EDN3: variants seen among roughly 807,000 people sequenced by gnomAD.
EDN3 encodes endothelin-3.
In EDN3, 9 loss-of-function variants were observed where a neutral mutation model predicts 21.4. The observed-to-expected ratio is 0.42, with a 90% CI of 0.25 to 0.73. The LOEUF is 0.73. EDN3 is among the 30% of genes least tolerant of loss of function. The pLI, the probability that EDN3 is intolerant of heterozygous loss-of-function variation, is 0.26. For missense variants in EDN3, 327 were observed against 309.4 expected, an observed-to-expected ratio of 1.06 and a Z score of -0.43; for synonymous variants, 133 against 126.2, an observed-to-expected ratio of 1.05 and a Z score of -0.36.
intron 2 of EDN3, among the ~76,000 whole-genome samples, chr20:59,309,833 G>A (rs1410579716): frequency 3.3e-5 from 5 of 152,216 alleles, no homozygotes; most frequent in Admixed American, 2.6e-4. Context: ...CTGCCCCAGA[G>A]TCAGCAGGAA....
intron 2 of EDN3, among the ~76,000 whole-genome samples, chr20:59,308,220 G>A (rs797021025): frequency 2.6e-5 from 4 of 152,292 alleles, no homozygotes; most frequent in South Asian, 2.1e-4. Context: ...GAGTCTAGGC[G>A]AGAGGGCGAG....
chr20:59,324,527 C>T lies in EDN3; in HGVS notation c.*68C>T. ...ATTGCTCACACACAGTTCAGATTTCCACCTCTTTATAGACAAGAAGTGAAT... is the reference window on the plus strand; with the variant it reads ...ATTGCTCACACACAGTTCAGATTTCTACCTCTTTATAGACAAGAAGTGAAT... On this transcript the variant is annotated 3_prime_UTR_variant, in exon 5 of 5. Coordinates refer to ENST00000337938, the MANE Select transcript of EDN3 (RefSeq NM_207034.3). 1 of 1,609,696 alleles carries T rather than the reference C, an allele frequency of 6.2e-7. No homozygotes were observed. The highest frequency in any genetic ancestry group is 8.5e-7 in the Non-Finnish European group (1 of 1,176,800).
In EDN3 at chr20:59,322,882, T is replaced by A. The variant is rs796690977; in HGVS notation, c.588+465T>A. Among the ~76,000 whole-genome samples the A allele has an allele frequency of 3.0e-4, 45 of 152,350 alleles. No homozygotes were observed. The highest frequency in any genetic ancestry group is 1.0e-3 in the African/African-American group (43 of 41,594). ...GCAGCTGATTCTGGGCAGAGGTGAA[T>A]TACAGCAGCTTGACAGCAGGGTCCC... is the stretch of plus-strand genomic sequence containing the variant. On this transcript the variant is annotated intron_variant, in intron 4 of 4. Coordinates refer to ENST00000337938, the MANE Select transcript of EDN3 (RefSeq NM_207034.3). This position sits in a 1 kb window ranked among gnomAD's most constrained non-coding sequence, Gnocchi z 4.1.
Position 59,322,139 on chromosome 20 carries a change from C to T in EDN3, c.543-233C>T, listed in dbSNP as rs1015218844. On this transcript the variant is annotated intron_variant, in intron 3 of 4. Transcript: ENST00000337938. The surrounding 1 kb of genome is among the most constrained non-coding windows in gnomAD (Gnocchi z 4.1). Reference sequence around the variant, plus strand: ...CAGTGTGAACTGCATGGTTTTTCCCCCCTTCTGGGCTTTTAAACATCCGAT... The same window carrying T: ...CAGTGTGAACTGCATGGTTTTTCCCTCCTTCTGGGCTTTTAAACATCCGAT... Among the ~76,000 whole-genome samples the T allele has an allele frequency of 1.3e-5, 2 of 152,138 alleles. No individual in the cohort carries two copies. The highest frequency in any genetic ancestry group is 4.8e-5 in the African/African-American group (2 of 41,412).
chr20:59,308,362 C>G (rs1989569873), intron 2 of EDN3, among the ~76,000 whole-genome samples: 1 of 152,210 alleles, frequency 6.6e-6, no homozygotes, highest in African/African-American at 2.4e-5. Context: ...GGTGGGACTG[C>G]TCAAATCCAT....
rs775223561 is a variant in EDN3, at chr20:59,301,544, G to A, written c.187G>A (p.Glu63Lys). ...PGEETVAGPG[E>K]GTVAPTALQG... ...CGAGGAGACTGTGGCTGGCCCTGGC[G>A]AGGGGACTGTGGCCCCGACAGCACT... is the stretch of plus-strand genomic sequence containing the variant. Residue 63 changes from glutamate (E) to lysine (K), a missense_variant, in exon 2 of 5, where the codon GAG (glutamate) becomes AAG (lysine). Physicochemically the swap from Glu to Lys is moderately conservative, Grantham distance 56. Coordinates refer to ENST00000337938, the MANE Select transcript of EDN3 (RefSeq NM_207034.3). 3 of 1,613,498 alleles carry A rather than the reference G, an allele frequency of 1.9e-6. No individual in the cohort carries two copies. The South Asian group carries it at 3.3e-5, about 18-fold the overall frequency.
At chr20:59,323,959 A>C (rs561552977) in intron 4 of EDN3, among the ~76,000 whole-genome samples, 9 of 152,368 alleles carry the variant, frequency 5.9e-5, no homozygotes, top group African/African-American at 1.7e-4. Context: ...TTACTTGGGA[A>C]GAAAAAGTCT....
chr20:59,309,114 C>G (rs926103565), intron 2 of EDN3, among the ~76,000 whole-genome samples: 15 of 152,328 alleles, frequency 9.8e-5, no homozygotes, highest in Non-Finnish European at 1.8e-4. Context: ...GCTTCCCTCT[C>G]CCCTTGGTAA....
In EDN3 at chr20:59,322,450, G is replaced by C. The variant is rs915038646; in HGVS notation, c.588+33G>C. On this transcript the variant is annotated intron_variant, in intron 4 of 4. Coordinates refer to ENST00000337938, the MANE Select transcript of EDN3 (RefSeq NM_207034.3). The surrounding 1 kb of genome is among the most constrained non-coding windows in gnomAD (Gnocchi z 4.1). ...GTGCCAACAGAGGCCTGTGTCAAAG[G>C]AGGTGAAGATGTGACGTGTCATTCC... 3 of 1,614,010 alleles carry C rather than the reference G, an allele frequency of 1.9e-6. No homozygotes were observed. In the Admixed American group the frequency reaches 5.0e-5, roughly 27 times the overall value.
rs1459921813 is a variant in EDN3 at position 59,322,923 on chromosome 20, AT to A, written c.588+508del. 6.7e-6 allele frequency among the ~76,000 whole-genome samples: 1 copy of A among 149,140 alleles called. No homozygotes were observed. Among genetic ancestry groups the A allele is most frequent in the Non-Finnish European group, 1.5e-5 (1 of 66,230 alleles). ...GCAGGGTCCCTTGGTTCTCCAGTTCATTGTATTATTTTTTTTAACCCACTTG... is the reference window on the plus strand; with the variant it reads ...GCAGGGTCCCTTGGTTCTCCAGTTCATGTATTATTTTTTTTAACCCACTTG... On this transcript the variant is annotated intron_variant, in intron 4 of 4. Transcript: ENST00000337938. The surrounding 1 kb of genome is among the most constrained non-coding windows in gnomAD (Gnocchi z 4.1).
intron 2 of EDN3, among the ~76,000 whole-genome samples, chr20:59,312,740 T>C (rs1272360533): frequency 6.6e-5 from 10 of 152,090 alleles, no homozygotes; most frequent in African/African-American, 1.9e-4. Context: ...TCTCCAGTGA[T>C]TGTGCTATTT....
chr20:59,315,961 G>C (rs927169409), intron 2 of EDN3, among the ~76,000 whole-genome samples: 12 of 152,086 alleles, frequency 7.9e-5, no homozygotes, highest in African/African-American at 2.9e-4. Context: ...GTGAGGGGGT[G>C]GATCACGAGG....
intron 2 of EDN3, among the ~76,000 whole-genome samples, chr20:59,310,457 C>T (rs562303588): frequency 1.2e-4 from 18 of 152,282 alleles, no homozygotes; most frequent in Admixed American, 7.8e-4. Flanking sequence ...TTGGGGGCTT[C>T]GGAATCCTGG....
At chr20:59,316,651 C>A (rs1386577463) in intron 2 of EDN3, among the ~76,000 whole-genome samples, 1 of 152,188 alleles carries the variant, frequency 6.6e-6, no homozygotes, top group Non-Finnish European at 1.5e-5. Context: ...AAAGCGTTTT[C>A]AGTGTGGTGT....
chr20:59,323,695 T>A, intron 4 of EDN3: 1 of 400,554 alleles, frequency 2.5e-6, no homozygotes, highest in Non-Finnish European at 4.4e-6. Flanking sequence ...GGAGGAGCCA[T>A]AGGGATGAGT....
intron 2 of EDN3, among the ~76,000 whole-genome samples, chr20:59,319,094 A>G (rs1487671522): frequency 6.6e-6 from 1 of 152,132 alleles, no homozygotes; most frequent in South Asian, 2.1e-4. Context: ...AGCTCAATAC[A>G]GGGCTGGATC....
intron 4 of EDN3, 44 bp from the exon 5 acceptor site, chr20:59,324,287 C>T (rs545057062): frequency 6.2e-7 from 1 of 1,613,430 alleles, no homozygotes; most frequent in African/African-American, 1.3e-5. Context: ...ACTTTCATAA[C>T]ATACCTTTCT....
intron 4 of EDN3, chr20:59,323,634 T>C: frequency 2.5e-6 from 1 of 399,338 alleles, no homozygotes; most frequent in Middle Eastern, 6.3e-4. Context: ...CAGTTTGAGA[T>C]GGGGTTGACG....
At position 59,301,699 on chromosome 20, in the gene EDN3, C is replaced by T. The variant is rs1272021123; in HGVS notation, c.342C>T (p.Asp114=). ...DKECVYYCHL[D]IIWINTPEQT... is the part of the protein sequence containing the mutation. ...AGTGTGTCTACTATTGCCACCTGGA[C>T]ATCATTTGGATCAACACTCCCGAGT... The change falls in exon 2 of 5, where the codon GAC becomes GAT. Residue 114 remains aspartate (D), a synonymous_variant. Coordinates refer to ENST00000337938, the MANE Select transcript of EDN3 (RefSeq NM_207034.3). 6.2e-7 allele frequency: 1 copy of T among 1,614,180 alleles called. No individual in the cohort carries two copies. The highest frequency in any genetic ancestry group is 8.5e-7 in the Non-Finnish European group (1 of 1,180,016).
Sources: allele counts gnomAD v4.1 joint callset (sites outside exome capture counted in the v4.1 genomes callset), GRCh38; gene constraint gnomAD v4.1.1; non-coding constraint Gnocchi (gnomAD v3.1); transcripts MANE v1.5; gene names NCBI Gene and HGNC (gene_info 2026-07-23, HGNC 2026-07-21).